SMURF2: variants seen among roughly 807,000 people sequenced by gnomAD.
SMURF2 encodes E3 ubiquitin-protein ligase SMURF2.
In SMURF2, 48 loss-of-function variants were observed where a neutral mutation model predicts 109.6. The observed-to-expected ratio is 0.44, with a 90% CI of 0.35 to 0.56. The LOEUF (loss-of-function observed/expected upper bound fraction) is 0.56, where lower values mean the gene tolerates loss of function less well. Ranked by LOEUF, SMURF2 falls within the 20% of genes least tolerant of loss-of-function variation. SMURF2 has a pLI of 0.01. For synonymous variants in SMURF2, 288 were observed against 317.1 expected, an observed-to-expected ratio of 0.91 and a Z score of 0.97; for missense variants, 575 against 909.0, an observed-to-expected ratio of 0.63 and a Z score of 4.72.
At chr17:64,653,333 G>T (rs1970663084) in intron 1 of SMURF2, among the ~76,000 whole-genome samples, 1 of 151,922 alleles carries the variant, frequency 6.6e-6, no homozygotes, top group African/African-American at 2.4e-5. Flanking sequence ...AAAAATTAAA[G>T]TACCATGAAA....
At chr17:64,652,518 C>T (rs1239113269) in intron 1 of SMURF2, among the ~76,000 whole-genome samples, 17 of 152,174 alleles carry the variant, frequency 1.1e-4, no homozygotes, top group Admixed American at 6.6e-4. Flanking sequence ...GACAGAATCT[C>T]GCTCTGTCGC....
At chr17:64,598,517 A>G (rs1219312825) in intron 2 of SMURF2, 27 bp from the exon 3 acceptor site, 3 of 1,540,658 alleles carry the variant, frequency 1.9e-6, no homozygotes, top group Non-Finnish European at 2.7e-6. Context: ...TCTAAAATTA[A>G]TAATTTGACA....
intron 1 of SMURF2, chr17:64,660,769 T>C (rs1970764406): frequency 1.3e-5 from 2 of 152,166 alleles, no homozygotes; most frequent in South Asian, 4.1e-4. Context: ...GTGGACAATT[T>C]ATCAGGGGTA....
intron 1 of SMURF2, among the ~76,000 whole-genome samples, chr17:64,659,152 AGTGTGTGAGTGTGT>A (rs1031851866): frequency 2.0e-5 from 3 of 152,082 alleles, no homozygotes; most frequent in African/African-American, 2.4e-5. Flanking sequence ...AGTGTGTATG[AGTGTGTGAGTGTGT>A]GTGTGTGAGT....
intron 6 of SMURF2, among the ~76,000 whole-genome samples, chr17:64,584,044 G>C (rs1199556672): frequency 6.6e-6 from 1 of 152,048 alleles, no homozygotes; most frequent in African/African-American, 2.4e-5. Flanking sequence ...TCTCACGTCT[G>C]TAATTCCAGC....
At chr17:64,562,285 CAAAAAAAAAAAAAAAA>C (rs782461489) in intron 11 of SMURF2, among the ~76,000 whole-genome samples, 2 of 19,010 alleles carry the variant, frequency 1.1e-4, no homozygotes, top group African/African-American at 1.5e-4. Context: ...GACTCCGTCT[CAAAAAAAAAAAAAAAA>C]AAAAAAAAAA....
intron 1 of SMURF2, among the ~76,000 whole-genome samples, chr17:64,655,078 C>T (rs1204430539): frequency 6.6e-6 from 1 of 151,924 alleles, no homozygotes; most frequent in Non-Finnish European, 1.5e-5. Context: ...TATAAATTAT[C>T]TGAAATTAAA....
chr17:64,546,078 A>T, intron 18 of SMURF2, 131 bp from the exon 19 acceptor site: 1 of 854,878 alleles, frequency 1.2e-6, no homozygotes. Context: ...TAAAACAGAG[A>T]TGACCACTTT....
rs1969343596 is a variant in SMURF2 at position 64,568,198 on chromosome 17, C to CAGGCTGG, written c.1016+3593_1016+3599dup. The stretch of plus-strand genomic sequence containing the variant: ...AGAGACGGGGTTTCACCATGTTGGC[C>CAGGCTGG]AGGCTGGTCTCGAACTCCTGACCTC... On this transcript the variant is annotated intron_variant, in intron 10 of 18. Transcript: ENST00000262435. 2.6e-5 allele frequency among the ~76,000 whole-genome samples: 4 copies of CAGGCTGG among 152,196 alleles called. No homozygotes were observed. In the South Asian group the frequency reaches 8.3e-4, roughly 32 times the overall value.
intron 2 of SMURF2, among the ~76,000 whole-genome samples, chr17:64,605,021 C>A (rs1969949954): frequency 6.6e-6 from 1 of 151,910 alleles, no homozygotes; most frequent in Non-Finnish European, 1.5e-5. Context: ...ACTTTGCAAG[C>A]CCACTAGTAT....
intron 3 of SMURF2, among the ~76,000 whole-genome samples, chr17:64,596,173 A>G (rs577657033): frequency 2.8e-4 from 43 of 152,278 alleles, no homozygotes; most frequent in African/African-American, 9.9e-4. Flanking sequence ...GATATACTGA[A>G]TTAAATAAAA....
chr17:64,602,654 C>T (rs1969913854), intron 2 of SMURF2, among the ~76,000 whole-genome samples: 1 of 152,198 alleles, frequency 6.6e-6, no homozygotes, highest in African/African-American at 2.4e-5. Flanking sequence ...CTCAGCCAGG[C>T]ACAGTGGCTC....
At chr17:64,602,034 G>T (rs182457284) in intron 2 of SMURF2, among the ~76,000 whole-genome samples, 21 of 151,746 alleles carry the variant, frequency 1.4e-4, no homozygotes, top group Admixed American at 9.8e-4. Flanking sequence ...ACAGCAACCT[G>T]GATAAAATTG....
At chr17:64,578,414 A>T in intron 9 of SMURF2, 78 bp downstream of exon 9, 1 of 971,274 alleles carries the variant, frequency 1.0e-6, no homozygotes, top group Non-Finnish European at 1.6e-6. Flanking sequence ...TAAAAGGTAA[A>T]AATTTCTTAA....
chr17:64,566,108 AC>A (rs782392682), intron 10 of SMURF2, among the ~76,000 whole-genome samples: 2 of 151,344 alleles, frequency 1.3e-5, no homozygotes, highest in East Asian at 3.9e-4. Context: ...CTAAAGAAAA[AC>A]CCCCCAATTT....
At chr17:64,555,749 A>C (rs1321315323) in intron 14 of SMURF2, 71 bp downstream of exon 14, 1 of 1,069,092 alleles carries the variant, frequency 9.4e-7, no homozygotes, top group Non-Finnish European at 1.3e-6. Context: ...TTTTAAGTAC[A>C]TCAGTTTTGA....
intron 12 of SMURF2, among the ~76,000 whole-genome samples, chr17:64,558,884 A>G (rs1360932254): frequency 5.9e-5 from 9 of 152,218 alleles, no homozygotes; most frequent in Admixed American, 4.6e-4. Flanking sequence ...TTTAAATGAT[A>G]TATTTTGATA....
At chr17:64,612,066 T>G (rs1555689643) in intron 1 of SMURF2, among the ~76,000 whole-genome samples, 1 of 152,126 alleles carries the variant, frequency 6.6e-6, no homozygotes, top group Non-Finnish European at 1.5e-5. Context: ...TTTTAGAACA[T>G]GTTTCTCTCA....
chr17:64,602,419 G>A (rs1434139878), intron 2 of SMURF2, among the ~76,000 whole-genome samples: 1 of 152,076 alleles, frequency 6.6e-6, no homozygotes, highest in Non-Finnish European at 1.5e-5. Context: ...AGCCTTTTAT[G>A]TTCCCTTTCT....
Sources: allele counts gnomAD v4.1 joint callset (sites outside exome capture counted in the v4.1 genomes callset), GRCh38; gene constraint gnomAD v4.1.1; transcripts MANE v1.5; gene names NCBI Gene and HGNC (gene_info 2026-07-23, HGNC 2026-07-21).